Variants in PAPPA2 observed in about 807,000 individuals in gnomAD.
PAPPA2 encodes the protein pappalysin-2.
In PAPPA2, 86 loss-of-function variants were observed where a neutral mutation model predicts 176.4. The ratio of observed to expected loss-of-function variants is 0.49; its 90% CI spans 0.41 to 0.58. The LOEUF (loss-of-function observed/expected upper bound fraction) is 0.58. Ranked by LOEUF, PAPPA2 falls within the 20% of genes least tolerant of loss-of-function variation. The pLI, the probability that PAPPA2 is intolerant of heterozygous loss-of-function variation, is 0.00. For missense variants in PAPPA2, 2,073 were observed against 2,256.9 expected (o/e 0.92, Z 1.65); for synonymous variants, 809 against 852.2 (o/e 0.95, Z 0.88).
intron 20 of PAPPA2, among the ~76,000 whole-genome samples, 160 bp from the exon 21 acceptor site, chr1:176,799,901 G>C (rs1436390149): frequency 6.6e-6 from 1 of 152,170 alleles, no homozygotes; most frequent in Non-Finnish European, 1.5e-5. Flanking sequence ...GTGTGCACGG[G>C]AAAGGCTAGA....
chr1:176,802,096 G>C (rs540393676), intron 21 of PAPPA2, among the ~76,000 whole-genome samples: 1 of 152,224 alleles, frequency 6.6e-6, no homozygotes, highest in African/African-American at 2.4e-5. Flanking sequence ...ATACCTACTC[G>C]ATCAGAAACT....
intron 1 of PAPPA2, among the ~76,000 whole-genome samples, chr1:176,529,895 T>C (rs1031914302): frequency 2.0e-5 from 3 of 152,192 alleles, no homozygotes; most frequent in African/African-American, 7.2e-5. Context: ...ATCTGTGCCA[T>C]ATTTTTAAAG....
intron 1 of PAPPA2, chr1:176,553,622 G>A (rs541508952): frequency 1.3e-5 from 2 of 152,190 alleles, no homozygotes; most frequent in African/African-American, 4.8e-5. Context: ...ATTACTAGAA[G>A]CTGAGAGCCA....
intron 1 of PAPPA2, among the ~76,000 whole-genome samples, chr1:176,554,022 G>T (rs1383450427): frequency 6.6e-6 from 1 of 152,024 alleles, no homozygotes; most frequent in African/African-American, 2.4e-5. Flanking sequence ...GAAGGAAAAA[G>T]GGCAGTCTAG....
chr1:176,825,360 GT>G (rs1242159652), intron 21 of PAPPA2, among the ~76,000 whole-genome samples: 6 of 152,152 alleles, frequency 3.9e-5, no homozygotes, highest in Admixed American at 3.9e-4. Context: ...CCGAGTAGTT[GT>G]CTTCCAAATG....
At position 176,740,057 on chromosome 1, in the gene PAPPA2, A is replaced by G; in HGVS notation, c.4012A>G (p.Thr1338Ala). ...THHQNVLFHH[T>A]TSVLLNFSSP... ...TCACCAGAATGTCCTTTTCCACCAT[A>G]CCACCTCAGTGCTGCTGAATTTCTC... The change falls in exon 14 of 23, where the codon ACC (threonine) becomes GCC (alanine). Residue 1338 changes from threonine to alanine, a missense_variant. By Grantham distance (58) the Thr-to-Ala change is moderately conservative. This residue lies in a region of PAPPA2 where 846 missense variants were observed against 857.9 expected (regional missense o/e 0.99). Coordinates refer to ENST00000367662, the MANE Select transcript of PAPPA2 (RefSeq NM_020318.3). 2 of 1,613,886 alleles carry G rather than the reference A, an allele frequency of 1.2e-6. No homozygotes were observed. The highest frequency in any genetic ancestry group is 1.7e-6 in the Non-Finnish European group (2 of 1,179,886).
At chr1:176,817,364 A>G (rs1002316647) in intron 21 of PAPPA2, among the ~76,000 whole-genome samples, 6 of 152,158 alleles carry the variant, frequency 3.9e-5, no homozygotes, top group African/African-American at 1.4e-4. Flanking sequence ...CTTGGGCCAG[A>G]TTAGGAAGAG....
At chr1:176,740,595 A>G (rs1662635229) in intron 14 of PAPPA2, among the ~76,000 whole-genome samples, 1 of 152,186 alleles carries the variant, frequency 6.6e-6, no homozygotes, top group Non-Finnish European at 1.5e-5. Context: ...AGCAAGTTTA[A>G]CAATTGCTTG....
chr1:176,607,203 A>G (rs1353331135), intron 3 of PAPPA2, among the ~76,000 whole-genome samples: 2 of 152,206 alleles, frequency 1.3e-5, no homozygotes, highest in Admixed American at 1.3e-4. Flanking sequence ...TATCATTGCT[A>G]TGTGTTGAGA....
At chr1:176,804,757 G>A (rs1557882361) in intron 21 of PAPPA2, among the ~76,000 whole-genome samples, 1 of 152,118 alleles carries the variant, frequency 6.6e-6, no homozygotes, top group Admixed American at 6.5e-5. Context: ...TACTCAACAC[G>A]ATGTTTGAAT....
chr1:176,815,279 T>G (rs2102966895), intron 21 of PAPPA2, among the ~76,000 whole-genome samples: 1 of 152,218 alleles, frequency 6.6e-6, no homozygotes, highest in African/African-American at 2.4e-5. Flanking sequence ...GGTTTAAATC[T>G]CAGCTCCACC....
chr1:176,737,780 G>A (rs1455958778), intron 12 of PAPPA2, among the ~76,000 whole-genome samples: 1 of 152,074 alleles, frequency 6.6e-6, no homozygotes, highest in African/African-American at 2.4e-5. Context: ...TGAAAAATAG[G>A]TTGGAGGTTT....
intron 3 of PAPPA2, among the ~76,000 whole-genome samples, chr1:176,614,545 A>G (rs1045687932): frequency 6.6e-6 from 1 of 152,200 alleles, no homozygotes; most frequent in Non-Finnish European, 1.5e-5. Context: ...GATATCTAGA[A>G]ACTTCATATT....
rs1476007348 is a variant in PAPPA2 at position 176,711,930 on chromosome 1, G to C, written c.3747G>C (p.Arg1249Ser). 4.3e-6 allele frequency: 7 copies of C among 1,613,894 alleles called. No homozygotes were observed. Among genetic ancestry groups the C allele is most frequent in the Non-Finnish European group, 5.9e-6 (7 of 1,179,802 alleles). The change falls in exon 12 of 23, where the codon AGG (arginine) becomes AGC (serine). Residue 1249 changes from arginine to serine, a missense_variant. Physicochemically the swap from Arg to Ser is moderately radical, Grantham distance 110 (BLOSUM62 -1). Coordinates refer to ENST00000367662, the MANE Select transcript of PAPPA2 (RefSeq NM_020318.3). ...GTGAAAATGAAACTCAGGATGACAG[G>C]AGTGAACAGCCAGAAGGTAGCCTGA... ...VASENETQDD[R>S]SEQPEGSLKK...
intron 1 of PAPPA2, among the ~76,000 whole-genome samples, chr1:176,481,820 T>A (rs1163240475): frequency 6.6e-6 from 1 of 152,076 alleles, no homozygotes; most frequent in Non-Finnish European, 1.5e-5. Flanking sequence ...TTCTCCTGCC[T>A]CAGCCTCCTG....
At chr1:176,547,213 C>T (rs1650683185) in intron 1 of PAPPA2, among the ~76,000 whole-genome samples, 1 of 152,140 alleles carries the variant, frequency 6.6e-6, no homozygotes, top group Admixed American at 6.6e-5. Context: ...TATAGCTCAT[C>T]TGAAAAGACT....
chr1:176,725,694 ACAC>A (rs1379470858), intron 12 of PAPPA2, among the ~76,000 whole-genome samples: 2 of 133,848 alleles, frequency 1.5e-5, no homozygotes, highest in East Asian at 5.3e-4. Context: ...CCGGTTACAC[ACAC>A]ACGCACGCGC....
chr1:176,589,933 C>G (rs950984172), intron 2 of PAPPA2, among the ~76,000 whole-genome samples: 1 of 152,092 alleles, frequency 6.6e-6, no homozygotes, highest in Non-Finnish European at 1.5e-5. Context: ...CTTGCTTTTG[C>G]TTAATGAGGT....
intron 4 of PAPPA2, among the ~76,000 whole-genome samples, chr1:176,677,908 G>T (rs1409690031): frequency 1.3e-5 from 2 of 152,184 alleles, no homozygotes; most frequent in African/African-American, 4.8e-5. Flanking sequence ...AGCATGATTG[G>T]GAGACAGATA....
Sources: allele counts gnomAD v4.1 joint callset (sites outside exome capture counted in the v4.1 genomes callset), GRCh38; gene constraint gnomAD v4.1.1; regional missense constraint gnomAD v4.1.1; transcripts MANE v1.5; gene names NCBI Gene and HGNC (gene_info 2026-07-23, HGNC 2026-07-21).